Variants in ZFHX3 observed in about 807,000 individuals in gnomAD.
ZFHX3 encodes the protein zinc finger homeobox protein 3.
A neutral mutation model predicts 279.1 loss-of-function variants in ZFHX3; 42 were observed. The observed-to-expected ratio is 0.15, with a 90% CI of 0.12 to 0.19. The LOEUF is 0.19. ZFHX3 is among the 10% of genes least tolerant of loss of function. ZFHX3 has a pLI of 1.00. For synonymous variants in ZFHX3, 2,293 were observed against 1,957.8 expected (o/e 1.17, Z -4.52); for missense variants, 4,981 against 4,754.0 (o/e 1.05, Z -1.40).
chr16:73,135,302 C>T (rs1966768665), intron 6 of ZFHX3, among the ~76,000 whole-genome samples: 1 of 152,164 alleles, frequency 6.6e-6, no homozygotes, highest in South Asian at 2.1e-4. Context: ...CGAGTTCATT[C>T]ACCAGCTCAA....
intron 2 of ZFHX3, among the ~76,000 whole-genome samples, chr16:73,468,164 C>T (rs1195242641): frequency 1.3e-5 from 2 of 152,162 alleles, no homozygotes; most frequent in Non-Finnish European, 2.9e-5. Flanking sequence ...GGAAGTGGCC[C>T]AAAATGCTGT....
intron 7 of ZFHX3, chr16:73,093,752 TAGAA>T: frequency 3.7e-6 from 1 of 267,672 alleles, no homozygotes; most frequent in Non-Finnish European, 7.7e-6. Context: ...ATCATAAAAA[TAGAA>T]AGAAAAACGC....
chr16:73,541,786 C>CTTTT lies in ZFHX3; in HGVS notation c.-1546-85532_-1546-85529dup, dbSNP rs546761843. Among the ~76,000 whole-genome samples, 56 of 88,132 alleles carry CTTTT rather than the reference C, an allele frequency of 6.4e-4. 2 individuals are homozygous for CTTTT. The highest frequency in any genetic ancestry group is 8.3e-3 in the Middle Eastern group (1 of 120). The allele number at this position is 88,132 out of a possible 152,430, so 57.8% of individuals were successfully genotyped here. A position where few individuals can be genotyped will look rare whatever the true frequency, so the allele number is the denominator to read the frequency against. On this transcript the variant is annotated intron_variant, in intron 2 of 17. Transcript: ENST00000641206. ...TCCTGCCCTCCTGTTTGGTGGTTCT[C>CTTTT]TTTTTTTTTTTTTTTTTTTTTTTTT... is the stretch of plus-strand genomic sequence containing the variant.
chr16:73,889,731 C>T (rs1308901561), intron 1 of ZFHX3, among the ~76,000 whole-genome samples: 6 of 152,158 alleles, frequency 3.9e-5, no homozygotes, highest in Admixed American at 6.5e-5. Context: ...ATTCTCTGTG[C>T]CCTCACCCTT....
intron 2 of ZFHX3, among the ~76,000 whole-genome samples, chr16:73,509,675 C>A (rs1597363659): frequency 6.8e-6 from 1 of 147,946 alleles, no homozygotes; most frequent in South Asian, 2.1e-4. Flanking sequence ...TAGGCGCCCA[C>A]CACCATGCCC....
At chr16:73,011,983 A>G (rs970935689) in intron 1 of ZFHX3, among the ~76,000 whole-genome samples, 2 of 152,120 alleles carry the variant, frequency 1.3e-5, no homozygotes, top group South Asian at 2.1e-4. Flanking sequence ...CTCTTCTGCC[A>G]CCACTGAAAT....
intron 4 of ZFHX3, among the ~76,000 whole-genome samples, chr16:73,287,098 G>A (rs923817189): frequency 6.7e-6 from 1 of 150,344 alleles, no homozygotes; most frequent in Admixed American, 6.6e-5. Context: ...GGGTAAGTGT[G>A]TGGCTGTGTG....
At chr16:73,648,877 G>A (rs184641285) in intron 2 of ZFHX3, among the ~76,000 whole-genome samples, 4 of 152,256 alleles carry the variant, frequency 2.6e-5, no homozygotes, top group Admixed American at 2.6e-4. Flanking sequence ...CCTTGGGATG[G>A]ATAACTTTGC....
chr16:72,862,227 G>A (rs2037907518), intron 4 of ZFHX3, among the ~76,000 whole-genome samples: 1 of 152,118 alleles, frequency 6.6e-6, no homozygotes, highest in African/African-American at 2.4e-5. Context: ...TTACAAAGGT[G>A]GGTCTGGTGG....
chr16:73,532,923 G>C (rs2019832655), intron 2 of ZFHX3, among the ~76,000 whole-genome samples: 1 of 149,626 alleles, frequency 6.7e-6, no homozygotes, highest in Admixed American at 6.6e-5. Flanking sequence ...ACCCTGTAAA[G>C]GGGGGGCCTT....
chr16:73,178,985 T>C (rs1436881935), intron 5 of ZFHX3, among the ~76,000 whole-genome samples: 1 of 152,198 alleles, frequency 6.6e-6, no homozygotes, highest in Non-Finnish European at 1.5e-5. Context: ...GAAAGTCAAA[T>C]TGAGTGAGAT....
intron 4 of ZFHX3, among the ~76,000 whole-genome samples, chr16:73,291,196 T>C (rs894369647): frequency 2.0e-5 from 3 of 152,152 alleles, no homozygotes; most frequent in African/African-American, 4.8e-5. Flanking sequence ...TTAGGCTTCC[T>C]GACAATCAAA....
At chr16:73,836,486 G>A (rs527243004) in intron 1 of ZFHX3, among the ~76,000 whole-genome samples, 2 of 152,246 alleles carry the variant, frequency 1.3e-5, no homozygotes, top group East Asian at 1.9e-4. Flanking sequence ...TCATAAACAC[G>A]TAAGAATAAC....
chr16:73,558,802 A>G (rs2143785026), intron 2 of ZFHX3, among the ~76,000 whole-genome samples: 1 of 135,294 alleles, frequency 7.4e-6, no homozygotes, highest in Admixed American at 8.9e-5. Flanking sequence ...AACCTCTGCC[A>G]CCTGGGTTCA....
chr16:73,034,360 A>C (rs1363617003), intron 1 of ZFHX3, among the ~76,000 whole-genome samples: 2 of 152,188 alleles, frequency 1.3e-5, no homozygotes, highest in Non-Finnish European at 2.9e-5. Context: ...GACCCTCCCA[A>C]CAGTGGCAGC....
At chr16:72,850,324 C>G (rs1168487610) in intron 4 of ZFHX3, among the ~76,000 whole-genome samples, 3 of 152,266 alleles carry the variant, frequency 2.0e-5, no homozygotes, top group African/African-American at 7.2e-5. Context: ...TTCACTCCTA[C>G]GCTTCAGTAC....
intron 4 of ZFHX3, among the ~76,000 whole-genome samples, chr16:72,834,162 T>C (rs1257915835): frequency 1.3e-5 from 2 of 152,100 alleles, no homozygotes; most frequent in Non-Finnish European, 2.9e-5. Flanking sequence ...GTGGGAGGAT[T>C]ACTTGAGCCC....
intron 1 of ZFHX3, among the ~76,000 whole-genome samples, chr16:73,742,383 C>T (rs762652494): frequency 6.6e-6 from 1 of 152,088 alleles, no homozygotes; most frequent in Admixed American, 6.5e-5. Context: ...GCTATTGTTT[C>T]CATAGTTTCC....
In ZFHX3 at chr16:72,796,671, T is replaced by A. The variant is rs2143437741; in HGVS notation, c.6011A>T (p.His2004Leu). The A allele has an allele frequency of 6.2e-7, 1 of 1,614,106 alleles. No homozygotes were observed. The highest frequency in any genetic ancestry group is 8.5e-7 in the Non-Finnish European group (1 of 1,180,020). The change falls in exon 9 of 10, where the codon CAC becomes CTC. Residue 2004 changes from histidine to leucine, a missense_variant. His to Leu is a moderately conservative substitution (Grantham distance 99). Transcript: ENST00000268489. The part of the protein sequence containing the change: ...NILILKSHQE[H>L]VHQNYFPFKQ... ...GAAAGGAAAGTAATTCTGATGAACG[T>A]GCTCTTGATGACTCTTTAAAATCAA...
Sources: allele counts gnomAD v4.1 joint callset (sites outside exome capture counted in the v4.1 genomes callset), GRCh38; gene constraint gnomAD v4.1.1; transcripts MANE v1.5; gene names NCBI Gene and HGNC (gene_info 2026-07-23, HGNC 2026-07-21).